SIAE: variants seen among roughly 807,000 people sequenced by gnomAD.
The protein encoded by SIAE is sialate O-acetylesterase.
A neutral mutation model predicts 52.6 loss-of-function variants in SIAE; 39 were observed. The observed-to-expected ratio is 0.74, with a 90% CI of 0.57 to 0.97. SIAE has a LOEUF of 0.97. Ranked by LOEUF, SIAE falls within the 50% of genes least tolerant of loss-of-function variation. The probability of loss-of-function intolerance (pLI) is 0.00; values close to 1 mark genes in which losing one functional copy is unlikely to be tolerated. For missense variants in SIAE, 592 were observed against 662.1 expected, an observed-to-expected ratio of 0.89 and a Z score of 1.16; for synonymous variants, 233 against 241.4, an observed-to-expected ratio of 0.97 and a Z score of 0.32.
chr11:124,656,175 C>T (rs1419591736), intron 3 of SIAE, among the ~76,000 whole-genome samples: 1 of 152,162 alleles, frequency 6.6e-6, no homozygotes, highest in East Asian at 1.9e-4. Flanking sequence ...CACTTCCAAT[C>T]TCAAGCAACT....
intron 2 of SIAE, among the ~76,000 whole-genome samples, chr11:124,666,131 CT>C (rs1003493351): frequency 2.6e-5 from 4 of 152,286 alleles, no homozygotes; most frequent in African/African-American, 9.6e-5. Flanking sequence ...CCAATCATCC[CT>C]CAGGTATTAA....
At chr11:124,671,214 T>TA (rs1943349843) in intron 1 of SIAE, among the ~76,000 whole-genome samples, 1 of 152,216 alleles carries the variant, frequency 6.6e-6, no homozygotes, top group African/African-American at 2.4e-5. Context: ...ACACGCTACT[T>TA]ACTGATCAAG....
chr11:124,660,758 C>A lies in SIAE; in HGVS notation c.275G>T (p.Gly92Val). Residue 92 changes from glycine (G) to valine (V), a missense_variant, in exon 3 of 10, where the codon GGA becomes GTA. By Grantham distance (109) the Gly-to-Val change is moderately radical. Coordinates refer to ENST00000263593, the MANE Select transcript of SIAE (RefSeq NM_170601.5). Reference sequence around the variant, plus strand: ...TTGTGCCATCACTTCGAAAGGTCCTCCAGGCTTCATAGGATCCAGTACCAC... The same window carrying A: ...TTGTGCCATCACTTCGAAAGGTCCTACAGGCTTCATAGGATCCAGTACCAC... The part of the protein sequence containing the change: ...WMVVLDPMKP[G>V]GPFEVMAQQT... 1 of 1,614,202 alleles carries A rather than the reference C, an allele frequency of 6.2e-7. No homozygotes were observed. Among genetic ancestry groups the A allele is most frequent in the Non-Finnish European group, 8.5e-7 (1 of 1,180,030 alleles).
intron 6 of SIAE, among the ~76,000 whole-genome samples, chr11:124,647,740 T>C (rs1440548438): frequency 1.3e-5 from 2 of 152,154 alleles, no homozygotes; most frequent in Admixed American, 1.3e-4. Flanking sequence ...ATATAAATAA[T>C]AAATGAGTCT....
chr11:124,670,886 T>C lies in SIAE; in HGVS notation c.68-1365A>G, dbSNP rs548812192. The stretch of plus-strand genomic sequence containing the variant: ...AAGAATACAACGCCCCAGAATTGCA[T>C]AAGCAGGTTGGCAGCCTGCTGGAGG... On this transcript the variant is annotated intron_variant, in intron 1 of 9. Coordinates refer to ENST00000263593, the MANE Select transcript of SIAE (RefSeq NM_170601.5). This position sits in a 1 kb window ranked among gnomAD's most constrained non-coding sequence, Gnocchi z 4.5. Among the ~76,000 whole-genome samples, 1 of 152,262 alleles carries C rather than the reference T, an allele frequency of 6.6e-6. No homozygotes were observed. The highest frequency in any genetic ancestry group is 1.9e-4 in the East Asian group (1 of 5,192).
At position 124,654,757 on chromosome 11, in the gene SIAE, CCGCAGT is replaced by C; in HGVS notation, c.436_441del (p.Thr146_Ala147del). 1 of 1,614,046 alleles carries C rather than the reference CCGCAGT, an allele frequency of 6.2e-7. No individual in the cohort carries two copies. The highest frequency in any genetic ancestry group is 8.5e-7 in the Non-Finnish European group (1 of 1,180,016). On this transcript the variant is annotated inframe_deletion, in exon 4 of 10. Transcript: ENST00000263593. ...GAGAGGATGCGGACAGACTGATATG[CCGCAGT>C]GTTAGACAACTCCCTTGTAGCATTA...
rs772955761 is a variant in SIAE, at chr11:124,647,383, G to C, written c.948C>G (p.Phe316Leu). The change falls in exon 7 of 10, where the codon TTC becomes TTG. Residue 316 changes from phenylalanine (F) to leucine (L), a missense_variant. Coordinates refer to ENST00000263593, the MANE Select transcript of SIAE (RefSeq NM_170601.5). ...ATCGTACCTGGACAAGTCCAAATGG[G>C]AAGAAACGCTCCGTCTGCCCCTGGG... ...RGSQGQTERF[F>L]PFGLVQLSSD... 1 of 1,614,156 alleles carries C rather than the reference G, an allele frequency of 6.2e-7. No individual in the cohort carries two copies. Among genetic ancestry groups the C allele is most frequent in the Non-Finnish European group, 8.5e-7 (1 of 1,180,036 alleles).
chr11:124,663,157 G>C (rs1450747710), intron 2 of SIAE, among the ~76,000 whole-genome samples: 3 of 150,250 alleles, frequency 2.0e-5, no homozygotes, highest in Admixed American at 6.6e-5. Flanking sequence ...AAAAAAAAAA[G>C]TCATGTAAAC....
At chr11:124,657,510 G>A (rs1943119659) in intron 3 of SIAE, among the ~76,000 whole-genome samples, 1 of 152,242 alleles carries the variant, frequency 6.6e-6, no homozygotes, top group African/African-American at 2.4e-5. Context: ...GAGGCAGTAT[G>A]AGAGAACATG....
intron 3 of SIAE, among the ~76,000 whole-genome samples, chr11:124,656,053 T>C (rs73624513): frequency 0.11 from 16,136 of 152,038 alleles, 2,767 homozygotes; most frequent in African/African-American, 0.36. Flanking sequence ...GTGCATAAGG[T>C]ATATAGGAAA....
chr11:124,649,988 A>C (rs1942994983), intron 4 of SIAE, among the ~76,000 whole-genome samples, 192 bp from the exon 5 acceptor site: 1 of 152,210 alleles, frequency 6.6e-6, no homozygotes, highest in Non-Finnish European at 1.5e-5. Context: ...GCTGGTCTGA[A>C]CACTATTATC....
intron 4 of SIAE, 136 bp downstream of exon 4, chr11:124,654,519 T>G: frequency 6.3e-7 from 1 of 1,588,846 alleles, no homozygotes; most frequent in Non-Finnish European, 8.5e-7. Context: ...TCAGGAAGGA[T>G]GAAGAGTCAA....
At position 124,636,626 on chromosome 11, in the gene SIAE, C is replaced by A; in HGVS notation, c.*325G>T. 2.9e-6 allele frequency: 1 copy of A among 349,738 alleles called. No homozygotes were observed. Among genetic ancestry groups the A allele is most frequent in the Non-Finnish European group, 5.5e-6 (1 of 182,736 alleles). The allele number at this position is 349,738 out of a possible 1,614,324, so 21.7% of individuals were successfully genotyped here. The stretch of plus-strand genomic sequence containing the variant: ...TCTTCCAATCCTGAGATTCCCACAA[C>A]TCTGGATAAAAAGGGGCAAAAGTAT... On this transcript the variant is annotated 3_prime_UTR_variant, in exon 10 of 10. Coordinates refer to ENST00000263593, the MANE Select transcript of SIAE (RefSeq NM_170601.5).
At position 124,638,505 on chromosome 11, in the gene SIAE, C is replaced by T. The variant is rs753070695; in HGVS notation, c.1320+37G>A. On this transcript the variant is annotated intron_variant, in intron 9 of 9. Transcript: ENST00000263593. ...TGCGGAGGAAATCTTGACTCCACCA[C>T]AAAATGAACCCCTGTTTATTCTGCT... The T allele has an allele frequency of 1.9e-6, 3 of 1,608,542 alleles. No individual in the cohort carries two copies. In the South Asian group the frequency reaches 3.3e-5, roughly 18 times the overall value.
At chr11:124,666,374 G>A (rs1408968349) in intron 2 of SIAE, among the ~76,000 whole-genome samples, 1 of 152,062 alleles carries the variant, frequency 6.6e-6, no homozygotes, top group African/African-American at 2.4e-5. Flanking sequence ...GACATTTTCT[G>A]CCTATGAAAT....
chr11:124,665,226 T>C (rs999542479), intron 2 of SIAE, among the ~76,000 whole-genome samples: 1 of 152,222 alleles, frequency 6.6e-6, no homozygotes, highest in Non-Finnish European at 1.5e-5. Flanking sequence ...GGCAATGAGA[T>C]GTCACTCTTG....
At chr11:124,662,752 C>T (rs1376616766) in intron 2 of SIAE, among the ~76,000 whole-genome samples, 2 of 152,300 alleles carry the variant, frequency 1.3e-5, no homozygotes, top group South Asian at 2.1e-4. Context: ...CCAGAGAAAC[C>T]TCCTTCCAAC....
At chr11:124,641,013 G>C (rs1467340895) in intron 7 of SIAE, among the ~76,000 whole-genome samples, 1 of 152,158 alleles carries the variant, frequency 6.6e-6, no homozygotes, top group Non-Finnish European at 1.5e-5. Context: ...TATAAGAAAG[G>C]CTATTTTAGG....
rs1055558888 is a variant in SIAE, at chr11:124,660,678, C to T, written c.355G>A (p.Asp119Asn). The change falls in exon 3 of 10, where the codon GAT becomes AAT. Residue 119 changes from aspartate (D) to asparagine (N), a missense_variant. Coordinates refer to ENST00000263593, the MANE Select transcript of SIAE (RefSeq NM_170601.5). ...CTCTGCCCACTACAGAGCCAGACAT[C>T]TCCAAACAGGACGTCATGAACTCTC... ...TLRVHDVLFG[D>N]VWLCSGQSNM... The T allele has an allele frequency of 1.2e-6, 2 of 1,614,212 alleles. No homozygotes were observed. Among genetic ancestry groups the T allele is most frequent in the South Asian group, 1.1e-5 (1 of 91,082 alleles).
Sources: allele counts gnomAD v4.1 joint callset (sites outside exome capture counted in the v4.1 genomes callset), GRCh38; gene constraint gnomAD v4.1.1; non-coding constraint Gnocchi (gnomAD v3.1); transcripts MANE v1.5; gene names NCBI Gene and HGNC (gene_info 2026-07-23, HGNC 2026-07-21).